The following IMMP2L variants were observed in gnomAD, a reference collection of about 807,000 sequenced individuals.
IMMP2L encodes mitochondrial inner membrane protease subunit 2.
IMMP2L carries 18 observed loss-of-function variants against 19.3 expected under a neutral mutation model. The observed-to-expected ratio is 0.93, with a 90% CI of 0.64 to 1.38. The LOEUF (loss-of-function observed/expected upper bound fraction) is 1.38. IMMP2L is among the 40% of genes most tolerant of loss of function. The pLI, the probability that IMMP2L is intolerant of heterozygous loss-of-function variation, is 0.00. For missense variants in IMMP2L, 233 were observed against 218.2 expected, an observed-to-expected ratio of 1.07 and a Z score of -0.43; for synonymous variants, 76 against 73.0, an observed-to-expected ratio of 1.04 and a Z score of -0.21.
intron 3 of IMMP2L, among the ~76,000 whole-genome samples, chr7:111,473,054 CAAAT>C (rs1437445171): frequency 3.9e-5 from 6 of 151,978 alleles, no homozygotes; most frequent in Admixed American, 1.3e-4. Context: ...TTTATTTTAA[CAAAT>C]AAAACTATTA....
chr7:111,184,230 AG>A (rs968642292), intron 3 of IMMP2L, among the ~76,000 whole-genome samples: 23 of 152,086 alleles, frequency 1.5e-4, no homozygotes, highest in African/African-American at 5.3e-4. Flanking sequence ...AAAGAGAAAT[AG>A]GGGGGAAAAT....
At chr7:111,262,711 G>A (rs531663089) in intron 3 of IMMP2L, among the ~76,000 whole-genome samples, 63 of 152,222 alleles carry the variant, frequency 4.1e-4, no homozygotes, top group Non-Finnish European at 7.8e-4. Context: ...AGTATTAAAT[G>A]GAGATGTTTC....
At chr7:111,268,217 G>C (rs151224004) in intron 3 of IMMP2L, among the ~76,000 whole-genome samples, 1 of 152,074 alleles carries the variant, frequency 6.6e-6, no homozygotes, top group Non-Finnish European at 1.5e-5. Context: ...TTAAAAAGCT[G>C]ATATCCCTAA....
At chr7:110,823,752 A>C (rs1803230755) in intron 5 of IMMP2L, among the ~76,000 whole-genome samples, 1 of 152,134 alleles carries the variant, frequency 6.6e-6, no homozygotes, top group African/African-American at 2.4e-5. Flanking sequence ...AATGCTATCA[A>C]AACTAACAGA....
chr7:110,882,798 T>G (rs1021319522), intron 5 of IMMP2L, among the ~76,000 whole-genome samples: 1 of 151,864 alleles, frequency 6.6e-6, no homozygotes, highest in East Asian at 1.9e-4. Context: ...AAAGAAGCAT[T>G]ATATAGGGGA....
At position 110,695,092 on chromosome 7, in the gene IMMP2L, T is replaced by A. The variant is rs532350450; in HGVS notation, c.409-31371A>T. ...AAATGGGGAGTAATTTGTTAACAGA[T>A]AAGAGGTTTCCTTTGGGGTAATGAA... is the stretch of plus-strand genomic sequence containing the variant. On this transcript the variant is annotated intron_variant, in intron 5 of 5. Coordinates refer to ENST00000405709, the MANE Select transcript of IMMP2L (RefSeq NM_032549.4). Among the ~76,000 whole-genome samples the A allele has an allele frequency of 5.9e-5, 9 of 152,238 alleles. No individual in the cohort carries two copies. In the East Asian group the frequency reaches 1.7e-3, roughly 29 times the overall value.
chr7:110,791,483 T>A (rs1451060435), intron 5 of IMMP2L, among the ~76,000 whole-genome samples: 2 of 149,926 alleles, frequency 1.3e-5, no homozygotes, highest in Admixed American at 1.3e-4. Context: ...ATAATTATTC[T>A]GACATACATA....
chr7:111,501,698 C>G (rs1489049307), intron 2 of IMMP2L, among the ~76,000 whole-genome samples: 1 of 152,048 alleles, frequency 6.6e-6, no homozygotes, highest in Non-Finnish European at 1.5e-5. Context: ...AATTTTCAAC[C>G]CAGAATTTCA....
chr7:110,901,162 C>G (rs1811827719), intron 4 of IMMP2L, among the ~76,000 whole-genome samples: 1 of 152,012 alleles, frequency 6.6e-6, no homozygotes. Context: ...TTCACTACTC[C>G]TGGGTTTATA....
chr7:111,545,439 G>A (rs1333586173), intron 1 of IMMP2L, among the ~76,000 whole-genome samples: 1 of 152,124 alleles, frequency 6.6e-6, no homozygotes, highest in Non-Finnish European at 1.5e-5. Flanking sequence ...TCACCCAGCT[G>A]GAGTGCAGCG....
At chr7:111,275,901 A>G (rs530733145) in intron 3 of IMMP2L, among the ~76,000 whole-genome samples, 41 of 152,240 alleles carry the variant, frequency 2.7e-4, no homozygotes, top group African/African-American at 9.1e-4. Context: ...GTATCCTGAA[A>G]CTTTACTGAA....
intron 3 of IMMP2L, among the ~76,000 whole-genome samples, chr7:111,265,312 C>T (rs1448755339): frequency 6.6e-6 from 1 of 152,188 alleles, no homozygotes; most frequent in African/African-American, 2.4e-5. Context: ...TCCTAAGCCT[C>T]AGCTGCACTT....
At position 110,663,446 on chromosome 7, in the gene IMMP2L, T is replaced by C. The variant is rs1307251262; in HGVS notation, c.*156A>G. ...TTTAATACTGTTTAACATTTGAAAATTATTTATTTAATAATACAGATCGTT... is the reference window on the plus strand; with the variant it reads ...TTTAATACTGTTTAACATTTGAAAACTATTTATTTAATAATACAGATCGTT... On this transcript the variant is annotated 3_prime_UTR_variant, in exon 6 of 6. Coordinates refer to ENST00000405709, the MANE Select transcript of IMMP2L (RefSeq NM_032549.4). 2 of 584,532 alleles carry C rather than the reference T, an allele frequency of 3.4e-6. No individual in the cohort carries two copies. The highest frequency in any genetic ancestry group is 7.0e-5 in the Admixed American group (2 of 28,588). The allele number at this position is 584,532 out of a possible 1,614,324, so 36.2% of individuals were successfully genotyped here. A position where few individuals can be genotyped will look rare whatever the true frequency, so the allele number is the denominator to read the frequency against.
chr7:110,797,416 T>C (rs73716432), intron 5 of IMMP2L, among the ~76,000 whole-genome samples: 10,346 of 152,062 alleles, frequency 0.068, 425 homozygotes, highest in African/African-American at 0.1. Context: ...AAAAAAGTTT[T>C]AATTTTTAGG....
chr7:111,050,414 A>G (rs1017859261), intron 3 of IMMP2L, among the ~76,000 whole-genome samples: 2 of 152,232 alleles, frequency 1.3e-5, no homozygotes, highest in Non-Finnish European at 2.9e-5. Context: ...GTTGTGATGA[A>G]TAAAGAAAAC....
intron 3 of IMMP2L, among the ~76,000 whole-genome samples, chr7:111,232,474 T>C (rs1365004936): frequency 6.6e-6 from 1 of 151,692 alleles, no homozygotes; most frequent in African/African-American, 2.4e-5. Context: ...ATACCACAGA[T>C]GGACTGCAAA....
At chr7:110,671,482 C>T (rs1173518185) in intron 5 of IMMP2L, among the ~76,000 whole-genome samples, 2 of 152,120 alleles carry the variant, frequency 1.3e-5, no homozygotes, top group Admixed American at 6.6e-5. Flanking sequence ...GGAAAGTGAT[C>T]CAGGATATCA....
intron 5 of IMMP2L, among the ~76,000 whole-genome samples, chr7:110,843,801 C>T (rs960955284): frequency 2.0e-5 from 3 of 152,146 alleles, no homozygotes; most frequent in African/African-American, 7.2e-5. Flanking sequence ...GAGGAAGGAA[C>T]TTCTCTTGGC....
At chr7:110,970,889 AGCT>A (rs1472059157) in intron 3 of IMMP2L, among the ~76,000 whole-genome samples, 1 of 152,200 alleles carries the variant, frequency 6.6e-6, no homozygotes, top group Non-Finnish European at 1.5e-5. Flanking sequence ...ACTTCAGTTA[AGCT>A]AACCAGCTTT....
Sources: gnomAD v4.1 joint callset for allele counts (sites outside exome capture counted in the v4.1 genomes callset) on GRCh38, gnomAD v4.1.1 for gene constraint, MANE v1.5 for transcripts, NCBI Gene and HGNC (gene_info 2026-07-23, HGNC 2026-07-21) for gene names.